The following WDFY3 variants were observed in gnomAD, a reference collection of about 807,000 sequenced individuals.
WDFY3 encodes WD repeat and FYVE domain containing 3.
A neutral mutation model predicts 409.6 loss-of-function variants in WDFY3; 66 were observed. The ratio of observed to expected loss-of-function variants is 0.16; its 90% CI spans 0.13 to 0.20. The LOEUF (loss-of-function observed/expected upper bound fraction) is 0.20. WDFY3 is among the 10% of genes least tolerant of loss of function. WDFY3 has a pLI of 1.00. For synonymous variants in WDFY3, 1,521 were observed against 1,537.1 expected (o/e 0.99, Z 0.25); for missense variants, 3,031 against 4,298.1 (o/e 0.71, Z 8.24).
chr4:84,692,806 C>G (rs1205877840), intron 59 of WDFY3, 79 bp downstream of exon 59: 7 of 1,420,688 alleles, frequency 4.9e-6, no homozygotes, highest in African/African-American at 1.5e-5. Context: ...CGTCAAAAAG[C>G]AAATTTGTTA....
intron 25 of WDFY3, among the ~76,000 whole-genome samples, chr4:84,780,592 C>T (rs370885817): frequency 2.3e-4 from 35 of 151,786 alleles, no homozygotes; most frequent in African/African-American, 7.0e-4. Context: ...CCCCAAACCC[C>T]GTCTCTACTA....
intron 32 of WDFY3, among the ~76,000 whole-genome samples, chr4:84,760,100 T>G (rs527411439): frequency 6.6e-6 from 1 of 151,090 alleles, no homozygotes; most frequent in Non-Finnish European, 1.5e-5. Context: ...ATATGCTGGA[T>G]GACATTTATT....
At chr4:84,924,587 G>A (rs1769727695) in intron 2 of WDFY3, among the ~76,000 whole-genome samples, 1 of 152,174 alleles carries the variant, frequency 6.6e-6, no homozygotes, top group South Asian at 2.1e-4. Flanking sequence ...AATAAGAGAA[G>A]TTAAGTAGCC....
chr4:84,807,947 A>C (rs1048780743), intron 15 of WDFY3, among the ~76,000 whole-genome samples: 4 of 152,086 alleles, frequency 2.6e-5, no homozygotes, highest in Non-Finnish European at 4.4e-5. Flanking sequence ...CCCAACGTTT[A>C]AAGTAAAAAA....
intron 3 of WDFY3, among the ~76,000 whole-genome samples, chr4:84,881,932 T>G (rs1763594576): frequency 6.6e-6 from 1 of 152,218 alleles, no homozygotes; most frequent in African/African-American, 2.4e-5. Flanking sequence ...ACTTTTCTGT[T>G]TCTGTTTTAA....
intron 5 of WDFY3, chr4:84,844,606 C>G: frequency 2.0e-6 from 2 of 1,021,398 alleles, no homozygotes; most frequent in Non-Finnish European, 2.6e-6. Context: ...TCCAGTCTCT[C>G]CATTGCTGGA....
At chr4:84,891,223 T>C (rs1324070531) in intron 3 of WDFY3, among the ~76,000 whole-genome samples, 2 of 152,170 alleles carry the variant, frequency 1.3e-5, no homozygotes, top group African/African-American at 4.8e-5. Context: ...TCGTCTGCCC[T>C]TTCCTCTCTT....
At chr4:84,860,729 T>A in intron 3 of WDFY3, 107 bp from the exon 4 acceptor site, 1 of 1,004,628 alleles carries the variant, frequency 1.0e-6, no homozygotes, top group Non-Finnish European at 1.3e-6. Context: ...AAATTCTGTC[T>A]AAAATATATC....
chr4:84,686,536 T>C (rs1728356406), intron 62 of WDFY3, among the ~76,000 whole-genome samples: 1 of 152,106 alleles, frequency 6.6e-6, no homozygotes, highest in Admixed American at 6.5e-5. Flanking sequence ...TAACTTCTGG[T>C]AGAAATCAAA....
At chr4:84,794,790 TAA>T in intron 20 of WDFY3, 53 bp from the exon 21 acceptor site, 1 of 1,523,250 alleles carries the variant, frequency 6.6e-7, no homozygotes, top group Non-Finnish European at 8.8e-7. Context: ...TTATATTTTT[TAA>T]AAGATGCCAA....
In WDFY3 at chr4:84,808,350, C is replaced by G; in HGVS notation, c.2413G>C (p.Ala805Pro). ...GATCAGTACCTTTTCCTGGACAAAG[C>G]TGGTGTACCCCAAGGAGAGGGGAGA... ...SSLPSPWGTP[A>P]LSRKRHAYHS... Residue 805 changes from alanine to proline, a missense_variant, in exon 15 of 68, where the codon GCT becomes CCT. Around this residue, in one of 16 missense-constraint regions of WDFY3, gnomAD observed 1,322 missense variants for 1,697.9 expected, o/e 0.78. Coordinates refer to ENST00000295888, the MANE Select transcript of WDFY3 (RefSeq NM_014991.6). 1 of 1,613,758 alleles carries G rather than the reference C, an allele frequency of 6.2e-7. No homozygotes were observed. The highest frequency in any genetic ancestry group is 8.5e-7 in the Non-Finnish European group (1 of 1,179,774).
At chr4:84,786,607 T>A (rs1005703255) in intron 23 of WDFY3, among the ~76,000 whole-genome samples, 1 of 152,206 alleles carries the variant, frequency 6.6e-6, no homozygotes, top group Non-Finnish European at 1.5e-5. Flanking sequence ...CTACATGGCC[T>A]GAGTTTGAAT....
chr4:84,933,440 G>A (rs955924386), intron 1 of WDFY3, among the ~76,000 whole-genome samples: 2 of 151,534 alleles, frequency 1.3e-5, no homozygotes, highest in Non-Finnish European at 1.5e-5. Context: ...AGATTTATAG[G>A]GTACATGAGA....
intron 15 of WDFY3, among the ~76,000 whole-genome samples, chr4:84,806,524 G>T (rs1182295235): frequency 1.3e-5 from 2 of 149,676 alleles, no homozygotes; most frequent in Non-Finnish European, 2.9e-5. Flanking sequence ...ATATGTTTTT[G>T]ATTTAAGGCC....
intron 32 of WDFY3, among the ~76,000 whole-genome samples, chr4:84,759,699 T>A (rs547352286): frequency 1.3e-5 from 2 of 149,920 alleles, no homozygotes; most frequent in East Asian, 4.0e-4. Flanking sequence ...TTAAGGAGAT[T>A]TTGGGCTGAG....
chr4:84,763,607 A>T (rs2149376698), intron 32 of WDFY3, among the ~76,000 whole-genome samples: 1 of 152,196 alleles, frequency 6.6e-6, no homozygotes, highest in South Asian at 2.1e-4. Context: ...GTGAATAAAA[A>T]AGTAAAAAAA....
intron 48 of WDFY3, among the ~76,000 whole-genome samples, chr4:84,717,737 G>A (rs1734172338): frequency 6.6e-6 from 1 of 152,058 alleles, no homozygotes. Flanking sequence ...TGTTTCTAGG[G>A]TGCTCCGAGT....
intron 1 of WDFY3, among the ~76,000 whole-genome samples, chr4:84,954,357 A>C (rs1399173797): frequency 6.6e-6 from 1 of 152,198 alleles, no homozygotes; most frequent in Admixed American, 6.5e-5. Flanking sequence ...TTTTTATTTC[A>C]TACTTATTTA....
intron 13 of WDFY3, 144 bp downstream of exon 13, chr4:84,817,248 G>A: frequency 1.0e-6 from 1 of 977,626 alleles, no homozygotes. Context: ...GTTTTTCCAA[G>A]TTCCTAACGT....
Sources: gnomAD v4.1 joint callset for allele counts (sites outside exome capture counted in the v4.1 genomes callset) on GRCh38, gnomAD v4.1.1 for gene constraint, gnomAD v4.1.1 regional missense constraint, MANE v1.5 for transcripts, NCBI Gene and HGNC (gene_info 2026-07-23, HGNC 2026-07-21) for gene names.